The following RRBP1 variants were observed in gnomAD, a reference collection of about 807,000 sequenced individuals.
RRBP1 encodes the protein ribosome-binding protein 1.
RRBP1 carries 94 observed loss-of-function variants against 165.2 expected under a neutral mutation model. The ratio of observed to expected loss-of-function variants is 0.57; its 90% CI spans 0.48 to 0.68. The LOEUF (loss-of-function observed/expected upper bound fraction) is 0.68. Among genes scored for constraint, RRBP1 ranks in the 30% least tolerant of loss-of-function variants. The pLI, the probability that RRBP1 is intolerant of heterozygous loss-of-function variation, is 0.00. For missense variants in RRBP1, 1,676 were observed against 1,763.0 expected, an observed-to-expected ratio of 0.95 and a Z score of 0.88; for synonymous variants, 680 against 714.5, an observed-to-expected ratio of 0.95 and a Z score of 0.77.
chr20:17,632,844 G>C (rs2036177896), intron 8 of RRBP1, among the ~76,000 whole-genome samples: 1 of 152,116 alleles, frequency 6.6e-6, no homozygotes, highest in Non-Finnish European at 1.5e-5. Context: ...TGTCCCCCTG[G>C]GGACAGGGGG....
intron 12 of RRBP1, among the ~76,000 whole-genome samples, 153 bp downstream of exon 12, chr20:17,625,359 C>T (rs898066075): frequency 7.2e-5 from 11 of 152,014 alleles, no homozygotes; most frequent in Non-Finnish European, 1.6e-4. Flanking sequence ...AGAAGCACCC[C>T]CCACACCCTG....
rs368751944 is a variant in RRBP1 at position 17,652,758 on chromosome 20, G to A, written c.1912+5838C>T. ...CACAAGGCAGCCAGTGGGGGCCGCC[G>A]CAGCCTTTCCAACAAAGGGAGGAAC... is the stretch of plus-strand genomic sequence containing the variant. On this transcript the variant is annotated intron_variant, in intron 3 of 24. Coordinates refer to ENST00000377813, the MANE Select transcript of RRBP1 (RefSeq NM_001365613.2). 1.3e-3 allele frequency among the ~76,000 whole-genome samples: 194 copies of A among 152,342 alleles called. 2 individuals carry two copies. Among genetic ancestry groups the A allele is most frequent in the South Asian group, 4.8e-3 (23 of 4,828 alleles).
chr20:17,661,205 T>C (rs1257823442), intron 2 of RRBP1, among the ~76,000 whole-genome samples: 1 of 152,222 alleles, frequency 6.6e-6, no homozygotes, highest in Non-Finnish European at 1.5e-5. Context: ...TAAATGCTGC[T>C]ACCCAGGATC....
At chr20:17,620,540 G>C (rs762637131) in intron 17 of RRBP1, 170 bp from the exon 18 acceptor site, 1 of 812,052 alleles carries the variant, frequency 1.2e-6, no homozygotes, top group South Asian at 1.4e-5. Flanking sequence ...CTTCCTAGGC[G>C]GGGGCCTCCT....
intron 22 of RRBP1, 125 bp from the exon 23 acceptor site, chr20:17,615,654 T>C (rs919798847): frequency 2.9e-6 from 2 of 699,396 alleles, no homozygotes; most frequent in African/African-American, 1.8e-5. Context: ...AGCTCCATCC[T>C]GTAGCTGGAA....
At chr20:17,662,932 T>C (rs1052627530) in intron 2 of RRBP1, among the ~76,000 whole-genome samples, 6 of 152,042 alleles carry the variant, frequency 3.9e-5, no homozygotes, top group African/African-American at 1.4e-4. Flanking sequence ...TCTTAGCACC[T>C]TGGGAAGCTG....
chr20:17,641,591 A>T lies in RRBP1; in HGVS notation c.2184+206T>A. ...GCCACGAAGGAAGCCACCACGCCGT[A>T]GAGCCACGAGCACTGCCAAGGGTGA... On this transcript the variant is annotated intron_variant, in intron 5 of 24. Coordinates refer to ENST00000377813, the MANE Select transcript of RRBP1 (RefSeq NM_001365613.2). The T allele has an allele frequency of 6.4e-6, 4 of 624,006 alleles. No individual in the cohort carries two copies. The South Asian group carries it at 7.5e-5, about 12-fold the overall frequency. The allele number at this position is 624,006 out of a possible 1,614,324, so 38.7% of individuals were successfully genotyped here.
chr20:17,678,232 G>A (rs557351032), intron 2 of RRBP1, among the ~76,000 whole-genome samples: 27 of 152,284 alleles, frequency 1.8e-4, no homozygotes, highest in Middle Eastern at 3.4e-3. Flanking sequence ...AAGTGAGAGT[G>A]CCTCCTTGCC....
rs1021442703 is a variant in RRBP1 at position 17,657,606 on chromosome 20, AAGGAG to A, written c.1912+985_1912+989del. Among the ~76,000 whole-genome samples the A allele has an allele frequency of 2.6e-4, 39 of 152,314 alleles. No homozygotes were observed. In the East Asian group the frequency reaches 4.2e-3, roughly 17 times the overall value. ...GAAAAGAAAGGAAAAAAGAAAAGGA[AAGGAG>A]AGGAGAGGAGAGGAAAGGAAAGGAG... On this transcript the variant is annotated intron_variant, in intron 3 of 24. Coordinates refer to ENST00000377813, the MANE Select transcript of RRBP1 (RefSeq NM_001365613.2).
intron 19 of RRBP1, chr20:17,619,339 G>C: frequency 5.9e-6 from 2 of 341,416 alleles, no homozygotes; most frequent in East Asian, 4.7e-5. Flanking sequence ...AAGCCAGGCA[G>C]AGAATCCCCT....
intron 3 of RRBP1, among the ~76,000 whole-genome samples, chr20:17,648,766 T>C (rs1359618518): frequency 6.6e-6 from 1 of 152,206 alleles, no homozygotes; most frequent in South Asian, 2.1e-4. Context: ...ATTTTATACC[T>C]GGAGTTAAAA....
chr20:17,619,825 C>T, intron 18 of RRBP1, 97 bp from the exon 19 acceptor site: 4 of 811,636 alleles, frequency 4.9e-6, no homozygotes, highest in Non-Finnish European at 5.7e-6. Context: ...ATAGGTGAGG[C>T]CTCTCGGGAG....
At chr20:17,618,794 T>G (rs1468288233) in intron 19 of RRBP1, 115 bp from the exon 20 acceptor site, 2 of 772,594 alleles carry the variant, frequency 2.6e-6, no homozygotes, top group Non-Finnish European at 2.2e-6. Flanking sequence ...ACCAAAACCC[T>G]GAGGAGGGTC....
chr20:17,614,245 AG>A (rs772433956), intron 24 of RRBP1, 25 bp from the exon 25 acceptor site: 7 of 1,611,150 alleles, frequency 4.3e-6, no homozygotes, highest in East Asian at 2.2e-5. Flanking sequence ...AGGTGGCGTG[AG>A]GGGGGCTGGG....
Position 17,655,350 on chromosome 20 carries a change from A to G in RRBP1, c.1912+3246T>C, listed in dbSNP as rs117158460. 5.9e-3 allele frequency among the ~76,000 whole-genome samples: 892 copies of G among 152,316 alleles called. 5 individuals are homozygous for G. The highest frequency in any genetic ancestry group is 9.9e-3 in the Admixed American group (151 of 15,302). ...CTTTTGAAGAGAAAACTACTACTAC[A>G]TTGAAGAAAAAAATCAGAAAGGAAT... On this transcript the variant is annotated intron_variant, in intron 3 of 24. Transcript: ENST00000377813.
At chr20:17,675,562 A>G (rs1291751090) in intron 2 of RRBP1, among the ~76,000 whole-genome samples, 1 of 152,068 alleles carries the variant, frequency 6.6e-6, no homozygotes, top group Non-Finnish European at 1.5e-5. Flanking sequence ...TGGGGGTGGG[A>G]GAGCGTCAGA....
At chr20:17,679,733 T>A (rs1232998674) in intron 2 of RRBP1, among the ~76,000 whole-genome samples, 1 of 152,250 alleles carries the variant, frequency 6.6e-6, no homozygotes, top group Non-Finnish European at 1.5e-5. Flanking sequence ...TTAAGATTTA[T>A]TTAAAACTCT....
At chr20:17,614,669 C>T (rs568872892) in intron 24 of RRBP1, 68 bp downstream of exon 24, 1,099 of 1,586,812 alleles carry the variant, frequency 6.9e-4, no homozygotes, top group Non-Finnish European at 8.8e-4. Context: ...CTGCCTCTCC[C>T]GGTCCTGCCT....
At chr20:17,644,830 T>C (rs1274490092) in intron 3 of RRBP1, among the ~76,000 whole-genome samples, 1 of 152,284 alleles carries the variant, frequency 6.6e-6, no homozygotes, top group Non-Finnish European at 1.5e-5. Flanking sequence ...AATAATTTTA[T>C]ATATGGATTG....
Sources: gnomAD v4.1 joint callset for allele counts (sites outside exome capture counted in the v4.1 genomes callset) on GRCh38, gnomAD v4.1.1 for gene constraint, MANE v1.5 for transcripts, NCBI Gene and HGNC (gene_info 2026-07-23, HGNC 2026-07-21) for gene names.